Variants in STARD13 observed in about 807,000 individuals in gnomAD.
STARD13 encodes the protein stAR-related lipid transfer protein 13.
In STARD13, 62 loss-of-function variants were observed where a neutral mutation model predicts 106.4. That is an observed-to-expected ratio of 0.58 (90% CI 0.48 to 0.72). The LOEUF (loss-of-function observed/expected upper bound fraction) is 0.72. Among genes scored for constraint, STARD13 ranks in the 30% least tolerant of loss-of-function variants. The pLI is 0.00. For missense variants in STARD13, 1,387 were observed against 1,424.0 expected, an observed-to-expected ratio of 0.97 and a Z score of 0.42; for synonymous variants, 565 against 553.0, an observed-to-expected ratio of 1.02 and a Z score of -0.31.
At chr13:33,510,878 G>T in the STARD13 span, among the ~76,000 whole-genome samples, 11 of 152,124 alleles carry the variant, frequency 7.2e-5, no homozygotes, top group Admixed American at 5.9e-4. Context: ...TTTGTGTACT[G>T]AGTTCACAAG....
At chr13:33,275,301 TACTC>T (rs534050840) in intron 1 of STARD13, among the ~76,000 whole-genome samples, 50 of 152,336 alleles carry the variant, frequency 3.3e-4, no homozygotes, top group Non-Finnish European at 5.3e-4. Flanking sequence ...GTGTATAACT[TACTC>T]AAACATAATT....
chr13:33,139,001 C>T, intron 4 of STARD13: 1 of 344,680 alleles, frequency 2.9e-6, no homozygotes, highest in South Asian at 2.3e-5. Context: ...CCATCATCAC[C>T]TATTTGTGGA....
chr13:33,274,468 G>A (rs1340607619), intron 1 of STARD13, among the ~76,000 whole-genome samples: 1 of 152,080 alleles, frequency 6.6e-6, no homozygotes, highest in Non-Finnish European at 1.5e-5. Flanking sequence ...CATATTTTTG[G>A]GATTAAGTCA....
At chr13:33,293,016 G>C (rs1334578062) in intron 1 of STARD13, among the ~76,000 whole-genome samples, 1 of 152,152 alleles carries the variant, frequency 6.6e-6, no homozygotes, top group East Asian at 1.9e-4. Flanking sequence ...TTCTGCACGT[G>C]CTACTCCTCA....
intron 3 of STARD13, among the ~76,000 whole-genome samples, chr13:33,158,404 C>T (rs1417112734): frequency 6.6e-6 from 1 of 152,174 alleles, no homozygotes; most frequent in Non-Finnish European, 1.5e-5. Context: ...TGCAGAATAC[C>T]AAAGGTGAGT....
chr13:33,660,180 C>T, the STARD13 span, among the ~76,000 whole-genome samples: 3 of 36,902 alleles, frequency 8.1e-5, no homozygotes, highest in East Asian at 6.2e-4. Flanking sequence ...TTTATTTTTA[C>T]TGATTTGTAC....
intron 1 of STARD13, among the ~76,000 whole-genome samples, chr13:33,311,256 C>CACTGCACTCCAGCCTGG (rs1252831492): frequency 1.7e-4 from 26 of 151,912 alleles, no homozygotes; most frequent in Non-Finnish European, 2.9e-4. Flanking sequence ...ATGATTGCAC[C>CACTGCACTCCAGCCTGG]ACTGCACTCC....
the STARD13 span, among the ~76,000 whole-genome samples, chr13:33,535,121 T>C: frequency 6.6e-6 from 1 of 151,926 alleles, no homozygotes; most frequent in Non-Finnish European, 1.5e-5. Context: ...AGGCTGAGGC[T>C]GGAAAATCGC....
intron 2 of STARD13, among the ~76,000 whole-genome samples, chr13:33,167,001 A>ACC (rs1555240567): frequency 7.4e-6 from 1 of 135,770 alleles, no homozygotes; most frequent in East Asian, 2.3e-4. Flanking sequence ...CTCAAAAAAA[A>ACC]ACAAAAAAAA....
chr13:33,234,951 C>T (rs1889112636), intron 1 of STARD13, among the ~76,000 whole-genome samples: 1 of 152,166 alleles, frequency 6.6e-6, no homozygotes, highest in Non-Finnish European at 1.5e-5. Context: ...ATCTGCATTT[C>T]TTCCTGTTCA....
chr13:33,212,952 G>A (rs1472749942), intron 1 of STARD13, among the ~76,000 whole-genome samples: 4 of 152,124 alleles, frequency 2.6e-5, no homozygotes, highest in Non-Finnish European at 5.9e-5. Context: ...TTAGATCAAG[G>A]CAACCTACCC....
the STARD13 span, among the ~76,000 whole-genome samples, chr13:33,631,662 A>T: frequency 1.1e-4 from 16 of 152,216 alleles, no homozygotes; most frequent in Admixed American, 7.2e-4. Flanking sequence ...TGATAGTTAT[A>T]TTTGTTGAAT....
At chr13:33,316,491 T>A (rs1045661861) in intron 1 of STARD13, among the ~76,000 whole-genome samples, 3 of 152,218 alleles carry the variant, frequency 2.0e-5, no homozygotes, top group African/African-American at 7.2e-5. Context: ...GATAGGTTAT[T>A]CGTTATCTAT....
chr13:33,499,599 T>TC, the STARD13 span, among the ~76,000 whole-genome samples: 212 of 67,978 alleles, frequency 3.1e-3, 5 homozygotes, highest in African/African-American at 9.4e-3. Context: ...TTCTTCTTCT[T>TC]CTTCTTTCTT....
chr13:33,309,063 A>C (rs533738082), intron 1 of STARD13, among the ~76,000 whole-genome samples: 1 of 152,352 alleles, frequency 6.6e-6, no homozygotes, highest in African/African-American at 2.4e-5. Context: ...CTTTCTGTGG[A>C]CTTAATACTG....
the STARD13 span, among the ~76,000 whole-genome samples, chr13:33,412,834 G>A: frequency 1.3e-5 from 2 of 151,944 alleles, no homozygotes; most frequent in Admixed American, 6.6e-5. Context: ...AGAACAAAAA[G>A]GAAAAATAGG....
chr13:33,446,539 T>C, the STARD13 span, among the ~76,000 whole-genome samples: 3 of 152,194 alleles, frequency 2.0e-5, no homozygotes, highest in African/African-American at 7.2e-5. Flanking sequence ...CATGCTTATT[T>C]TCATTGCTAT....
chr13:33,317,548 A>C (rs1250496216), intron 1 of STARD13, among the ~76,000 whole-genome samples: 2 of 152,080 alleles, frequency 1.3e-5, no homozygotes, highest in African/African-American at 4.8e-5. Flanking sequence ...CATCCCCCTG[A>C]TCTAAGAGGC....
the STARD13 span, among the ~76,000 whole-genome samples, chr13:33,475,035 A>T: frequency 6.6e-6 from 1 of 152,164 alleles, no homozygotes; most frequent in Non-Finnish European, 1.5e-5. Flanking sequence ...TATAAAAGGG[A>T]TACGTGCTTA....
Sources: allele counts gnomAD v4.1 joint callset (sites outside exome capture counted in the v4.1 genomes callset), GRCh38; gene constraint gnomAD v4.1.1; transcripts MANE v1.5; gene names NCBI Gene and HGNC (gene_info 2026-07-23, HGNC 2026-07-21).